ADAM22: variants seen among roughly 807,000 people sequenced by gnomAD.
ADAM22 encodes the protein ADAM metallopeptidase domain 22.
Under a neutral mutation model 144.6 loss-of-function variants are expected in ADAM22, and 65 were observed. The ratio of observed to expected loss-of-function variants is 0.45; its 90% CI spans 0.37 to 0.55. The LOEUF (loss-of-function observed/expected upper bound fraction) is 0.55. Ranked by LOEUF, ADAM22 falls within the 20% of genes least tolerant of loss-of-function variation. The pLI is 0.00. For missense variants in ADAM22, 974 were observed against 1,184.9 expected (o/e 0.82, Z 2.61); for synonymous variants, 391 against 412.6 (o/e 0.95, Z 0.63).
intron 4 of ADAM22, among the ~76,000 whole-genome samples, chr7:88,098,256 C>T (rs1016583518): frequency 6.6e-6 from 1 of 152,024 alleles, no homozygotes; most frequent in Non-Finnish European, 1.5e-5. Flanking sequence ...AACTAGAATG[C>T]TGGTTATAGG....
intron 3 of ADAM22, among the ~76,000 whole-genome samples, chr7:87,982,670 C>CATATATATCTATATATATATAT (rs1853858228): frequency 2.6e-5 from 1 of 38,114 alleles, no homozygotes; most frequent in Non-Finnish European, 4.8e-5. Flanking sequence ...TCAGTTATTA[C>CATATATATCTATATATATATAT]ATATATATAT....
At chr7:87,950,298 C>A (rs1271429112) in intron 2 of ADAM22, among the ~76,000 whole-genome samples, 1 of 117,306 alleles carries the variant, frequency 8.5e-6, no homozygotes, top group Admixed American at 1.1e-4. Context: ...CTCCCCCCAC[C>A]CCACAACAGT....
chr7:88,118,465 A>G (rs1828365813), intron 7 of ADAM22, among the ~76,000 whole-genome samples: 1 of 152,066 alleles, frequency 6.6e-6, no homozygotes, highest in African/African-American at 2.4e-5. Context: ...ATCTTATAAA[A>G]CTTTTTAAAA....
At chr7:88,032,875 T>G (rs980189975) in intron 3 of ADAM22, among the ~76,000 whole-genome samples, 1 of 152,200 alleles carries the variant, frequency 6.6e-6, no homozygotes, top group Non-Finnish European at 1.5e-5. Flanking sequence ...GCTAGCCATA[T>G]GAAGATGTGC....
chr7:88,030,934 G>C (rs1055836270), intron 3 of ADAM22, among the ~76,000 whole-genome samples: 35 of 152,126 alleles, frequency 2.3e-4, no homozygotes, highest in Non-Finnish European at 4.9e-4. Flanking sequence ...GGCTAACACA[G>C]TGAAACCCCA....
intron 2 of ADAM22, among the ~76,000 whole-genome samples, chr7:87,956,990 T>C (rs1846939625): frequency 1.3e-5 from 2 of 152,206 alleles, no homozygotes; most frequent in African/African-American, 4.8e-5. Flanking sequence ...TTCTGTTCTA[T>C]TTCATTTTCT....
At chr7:88,010,879 C>A (rs566364695) in intron 3 of ADAM22, among the ~76,000 whole-genome samples, 32 of 152,160 alleles carry the variant, frequency 2.1e-4, no homozygotes, top group Admixed American at 3.9e-4. Context: ...GGGTGCCACT[C>A]CTCGTGTATA....
intron 14 of ADAM22, among the ~76,000 whole-genome samples, chr7:88,142,265 T>A (rs1335469742): frequency 6.6e-6 from 1 of 152,216 alleles, no homozygotes; most frequent in Non-Finnish European, 1.5e-5. Flanking sequence ...AATACTGTCA[T>A]TTGTAGCAAA....
chr7:88,029,270 C>T (rs1799703285), intron 3 of ADAM22, among the ~76,000 whole-genome samples: 2 of 151,742 alleles, frequency 1.3e-5, no homozygotes, highest in South Asian at 4.2e-4. Context: ...TTTGAGGTTA[C>T]CACTAGGCTT....
intron 3 of ADAM22, among the ~76,000 whole-genome samples, chr7:88,031,739 G>A (rs1242547241): frequency 6.6e-6 from 1 of 152,220 alleles, no homozygotes; most frequent in African/African-American, 2.4e-5. Flanking sequence ...CCCATCACAG[G>A]CCTGGAGGCC....
chr7:88,169,799 T>C (rs1843827953), intron 25 of ADAM22, among the ~76,000 whole-genome samples: 1 of 152,168 alleles, frequency 6.6e-6, no homozygotes, highest in Admixed American at 6.6e-5. Context: ...ATGCATGATT[T>C]AAGTAGTAAT....
intron 3 of ADAM22, among the ~76,000 whole-genome samples, chr7:88,014,133 A>G (rs915278773): frequency 6.6e-5 from 10 of 152,074 alleles, no homozygotes; most frequent in Admixed American, 6.6e-4. Flanking sequence ...TCCCGTATCT[A>G]TCTAGTGGCA....
intron 15 of ADAM22, among the ~76,000 whole-genome samples, chr7:88,143,420 A>G (rs1835388281): frequency 6.6e-6 from 1 of 152,106 alleles, no homozygotes; most frequent in South Asian, 2.1e-4. Context: ...AAATGGTTTT[A>G]TTACTTTTCT....
intron 2 of ADAM22, among the ~76,000 whole-genome samples, chr7:87,953,923 G>T (rs1404643109): frequency 7.5e-4 from 113 of 151,526 alleles, no homozygotes; most frequent in African/African-American, 2.6e-3. Context: ...TTTTGATCTT[G>T]GTTGGTTTAA....
chr7:87,975,208 C>T (rs1425412197), intron 2 of ADAM22, among the ~76,000 whole-genome samples: 1 of 152,200 alleles, frequency 6.6e-6, no homozygotes. Context: ...AGACCTCCAT[C>T]TTCCCTGGTC....
At chr7:88,032,744 G>A (rs1800599298) in intron 3 of ADAM22, among the ~76,000 whole-genome samples, 1 of 152,168 alleles carries the variant, frequency 6.6e-6, no homozygotes, top group Non-Finnish European at 1.5e-5. Context: ...TCTGGTGGGA[G>A]GTGATTGGAT....
chr7:88,069,302 A>C (rs1812122981), intron 3 of ADAM22, among the ~76,000 whole-genome samples: 1 of 151,884 alleles, frequency 6.6e-6, no homozygotes, highest in East Asian at 1.9e-4. Flanking sequence ...CACAGCAAAA[A>C]GGCCCTCACA....
At chr7:88,038,890 C>T (rs1194022470) in intron 3 of ADAM22, among the ~76,000 whole-genome samples, 1 of 151,960 alleles carries the variant, frequency 6.6e-6, no homozygotes, top group Non-Finnish European at 1.5e-5. Context: ...AAGCAATCCT[C>T]CCACCTCAGC....
chr7:88,104,145 T>C (rs1399320066), intron 4 of ADAM22, among the ~76,000 whole-genome samples: 16 of 152,152 alleles, frequency 1.1e-4, no homozygotes, highest in Non-Finnish European at 2.1e-4. Flanking sequence ...TTTAAATGAA[T>C]TCTGGTTCAC....
Sources: allele counts gnomAD v4.1 joint callset (sites outside exome capture counted in the v4.1 genomes callset), GRCh38; gene constraint gnomAD v4.1.1; transcripts MANE v1.5; gene names NCBI Gene and HGNC (gene_info 2026-07-23, HGNC 2026-07-21).